The following PTPRD variants were observed in gnomAD, a reference collection of about 807,000 sequenced individuals.
PTPRD encodes the protein receptor-type tyrosine-protein phosphatase delta.
PTPRD carries 34 observed loss-of-function variants against 214.5 expected under a neutral mutation model. The observed-to-expected ratio is 0.16, with a 90% CI of 0.12 to 0.21. The LOEUF (loss-of-function observed/expected upper bound fraction) is 0.21, where lower values mean the gene tolerates loss of function less well. Among genes scored for constraint, PTPRD ranks in the 10% least tolerant of loss-of-function variants. The probability of loss-of-function intolerance (pLI) is 1.00; values close to 1 mark genes in which losing one functional copy is unlikely to be tolerated. For synonymous variants in PTPRD, 1,128 were observed against 845.7 expected (o/e 1.33, Z -5.79); for missense variants, 2,545 against 2,398.7 (o/e 1.06, Z -1.27).
At chr9:8,923,372 A>T (rs2098841709) in intron 11 of PTPRD, among the ~76,000 whole-genome samples, 1 of 151,982 alleles carries the variant, frequency 6.6e-6, no homozygotes, top group African/African-American at 2.4e-5. Context: ...TTTAGAAGTT[A>T]CTCAGCACCG....
At chr9:9,054,621 A>C (rs324457) in intron 10 of PTPRD, among the ~76,000 whole-genome samples, 71,914 of 151,894 alleles carry the variant, frequency 0.47, 17,260 homozygotes, top group Middle Eastern at 0.52. Flanking sequence ...CTGTTACTCA[A>C]AAATCTCCAT....
chr9:9,371,835 A>G (rs1481687372), intron 9 of PTPRD, among the ~76,000 whole-genome samples: 5 of 152,140 alleles, frequency 3.3e-5, no homozygotes. Context: ...TTTGTTTCAA[A>G]GAACATCTTT....
intron 11 of PTPRD, among the ~76,000 whole-genome samples, chr9:8,785,687 G>A (rs1015107637): frequency 6.0e-4 from 92 of 152,182 alleles, no homozygotes; most frequent in African/African-American, 2.1e-3. Flanking sequence ...CCATATAAAA[G>A]TACTGTGGCT....
chr9:10,298,745 T>C (rs569780005), intron 3 of PTPRD, among the ~76,000 whole-genome samples: 1 of 152,088 alleles, frequency 6.6e-6, no homozygotes, highest in East Asian at 1.9e-4. Flanking sequence ...ACATACCATA[T>C]CTAACAAATA....
intron 2 of PTPRD, among the ~76,000 whole-genome samples, chr9:10,379,289 A>G (rs1344830359): frequency 6.6e-6 from 1 of 151,636 alleles, no homozygotes; most frequent in Admixed American, 6.6e-5. Context: ...TTTTCCAAAT[A>G]TAAGATCATA....
chr9:10,493,887 TA>T (rs2041185157), intron 2 of PTPRD, among the ~76,000 whole-genome samples: 1 of 151,980 alleles, frequency 6.6e-6, no homozygotes, highest in African/African-American at 2.4e-5. Context: ...ATGATCTGTT[TA>T]AGTTACATGA....
chr9:9,188,957 T>C (rs41523646), intron 9 of PTPRD, among the ~76,000 whole-genome samples: 16,745 of 151,918 alleles, frequency 0.11, 967 homozygotes, highest in Middle Eastern at 0.21. Context: ...GGGTGGTGAA[T>C]TAAAGATGAC....
chr9:9,908,236 C>T (rs1280208924), intron 5 of PTPRD, among the ~76,000 whole-genome samples: 1 of 151,920 alleles, frequency 6.6e-6, no homozygotes, highest in Non-Finnish European at 1.5e-5. Flanking sequence ...ATAGAACATT[C>T]CTGCTCAATG....
At chr9:10,255,351 T>G (rs1243485369) in intron 3 of PTPRD, among the ~76,000 whole-genome samples, 1 of 152,188 alleles carries the variant, frequency 6.6e-6, no homozygotes, top group African/African-American at 2.4e-5. Context: ...CAAACCTGTA[T>G]AGCATGTTAA....
At chr9:10,184,959 G>C (rs1014643223) in intron 3 of PTPRD, among the ~76,000 whole-genome samples, 2 of 152,136 alleles carry the variant, frequency 1.3e-5, no homozygotes, top group African/African-American at 4.8e-5. Flanking sequence ...AGCAGTGTTT[G>C]TGAAAGTGAA....
intron 3 of PTPRD, among the ~76,000 whole-genome samples, chr9:10,281,097 T>C (rs1431906239): frequency 6.6e-6 from 1 of 152,206 alleles, no homozygotes; most frequent in Non-Finnish European, 1.5e-5. Flanking sequence ...CCTTGAAGTC[T>C]TCGTATCTCC....
intron 10 of PTPRD, among the ~76,000 whole-genome samples, chr9:9,024,615 A>G (rs912499525): frequency 5.9e-5 from 9 of 151,682 alleles, no homozygotes; most frequent in African/African-American, 2.2e-4. Context: ...ATTTTTGCCA[A>G]TTTGATAAAT....
At chr9:9,740,574 G>A (rs893306204) in intron 6 of PTPRD, among the ~76,000 whole-genome samples, 1 of 152,040 alleles carries the variant, frequency 6.6e-6, no homozygotes, top group Non-Finnish European at 1.5e-5. Context: ...TGTTAGCCAG[G>A]ATGGTCTGGA....
chr9:9,585,708 A>G (rs994425681), intron 7 of PTPRD, among the ~76,000 whole-genome samples: 1 of 152,042 alleles, frequency 6.6e-6, no homozygotes, highest in Non-Finnish European at 1.5e-5. Context: ...TGTTGTCTTC[A>G]TGAAAATGAA....
chr9:8,735,395 C>T (rs761657636), intron 11 of PTPRD, among the ~76,000 whole-genome samples: 97 of 151,964 alleles, frequency 6.4e-4, no homozygotes, highest in Non-Finnish European at 9.0e-4. Context: ...CTGCCTGCCT[C>T]AGCCTCCCAA....
At chr9:9,514,788 C>T (rs2096794030) in intron 8 of PTPRD, among the ~76,000 whole-genome samples, 2 of 152,038 alleles carry the variant, frequency 1.3e-5, no homozygotes, top group South Asian at 4.1e-4. Flanking sequence ...AAGCTGTACA[C>T]TCTGAGGCTT....
At chr9:8,496,211 A>ACACACACACAC (rs1554641959) in intron 26 of PTPRD, among the ~76,000 whole-genome samples, 1 of 91,450 alleles carries the variant, frequency 1.1e-5, no homozygotes, top group African/African-American at 3.6e-5. Context: ...CACACACACA[A>ACACACACACAC]ACACACACAC....
chr9:9,776,260 T>C (rs1004105292), intron 5 of PTPRD, among the ~76,000 whole-genome samples: 16 of 152,332 alleles, frequency 1.1e-4, no homozygotes, highest in African/African-American at 3.4e-4. Context: ...TATCTAAAAC[T>C]CTACTGAGGC....
chr9:10,559,415 G>T (rs1590899493), intron 2 of PTPRD, among the ~76,000 whole-genome samples: 1 of 151,920 alleles, frequency 6.6e-6, no homozygotes, highest in Non-Finnish European at 1.5e-5. Context: ...ATAATCAATG[G>T]CCACACAGTT....
Sources: allele counts gnomAD v4.1 joint callset (sites outside exome capture counted in the v4.1 genomes callset), GRCh38; gene constraint gnomAD v4.1.1; transcripts MANE v1.5; gene names NCBI Gene and HGNC (gene_info 2026-07-23, HGNC 2026-07-21).